The following NRG1 variants were observed in gnomAD, a reference collection of about 807,000 sequenced individuals.
The protein encoded by NRG1 is neuregulin 1.
In NRG1, 18 loss-of-function variants were observed where a neutral mutation model predicts 63.8. The ratio of observed to expected loss-of-function variants is 0.28; its 90% confidence interval spans 0.19 to 0.42. The LOEUF is 0.42. Ranked by LOEUF, NRG1 falls within the 10% of genes least tolerant of loss-of-function variation. The probability of loss-of-function intolerance (pLI) is 1.00; values close to 1 mark genes in which losing one functional copy is unlikely to be tolerated. For synonymous variants in NRG1, 302 were observed against 301.3 expected (o/e 1.00, Z -0.02); for missense variants, 762 against 814.7 (o/e 0.94, Z 0.79).
intron 1 of NRG1, among the ~76,000 whole-genome samples, chr8:31,985,981 T>A (rs1262284372): frequency 5.5e-4 from 84 of 152,232 alleles, no homozygotes; most frequent in African/African-American, 1.9e-3. Context: ...ATCAACTCTT[T>A]TAGCAAATTG....
chr8:32,745,675 G>T (rs200535486), intron 7 of NRG1, among the ~76,000 whole-genome samples: 18 of 151,296 alleles, frequency 1.2e-4, no homozygotes, highest in Non-Finnish European at 2.2e-4. Context: ...GTGTGTGGGG[G>T]GTGTGTGTGT....
intron 1 of NRG1, among the ~76,000 whole-genome samples, chr8:31,951,076 C>A (rs778589679): frequency 6.6e-6 from 1 of 152,132 alleles, no homozygotes; most frequent in Non-Finnish European, 1.5e-5. Context: ...GTTGGAAGGA[C>A]TGTGTGAGAA....
At chr8:31,881,365 G>A (rs574101672) in intron 1 of NRG1, among the ~76,000 whole-genome samples, 9 of 152,294 alleles carry the variant, frequency 5.9e-5, no homozygotes, top group African/African-American at 2.2e-4. Context: ...CATGTAGGTT[G>A]CAAACTTAGT....
chr8:32,030,313 T>C (rs964309851), intron 1 of NRG1: 1 of 152,142 alleles, frequency 6.6e-6, no homozygotes, highest in Admixed American at 6.6e-5. Context: ...ATGATGACAA[T>C]TTGGGTTTGG....
chr8:32,392,755 T>G (rs1035240140), intron 1 of NRG1, among the ~76,000 whole-genome samples: 2 of 152,188 alleles, frequency 1.3e-5, no homozygotes, highest in Non-Finnish European at 2.9e-5. Context: ...TCATGATGTG[T>G]TTGATGATTT....
At chr8:32,387,856 TGAG>T (rs1467486016) in intron 1 of NRG1, among the ~76,000 whole-genome samples, 2 of 152,170 alleles carry the variant, frequency 1.3e-5, no homozygotes, top group African/African-American at 4.8e-5. Context: ...AGTGGGAGAC[TGAG>T]TTTACCACCT....
At chr8:32,213,246 A>C (rs541293047) in intron 1 of NRG1, among the ~76,000 whole-genome samples, 1 of 152,352 alleles carries the variant, frequency 6.6e-6, no homozygotes, top group East Asian at 1.9e-4. Context: ...GATAAAGAAA[A>C]TGTGGTACAT....
At chr8:32,706,255 A>G (rs1265195555) in intron 5 of NRG1, among the ~76,000 whole-genome samples, 1 of 152,216 alleles carries the variant, frequency 6.6e-6, no homozygotes, top group Non-Finnish European at 1.5e-5. Flanking sequence ...AGGATTTTCA[A>G]ATGTTAATTA....
chr8:32,250,280 A>G (rs1434694846), intron 1 of NRG1, among the ~76,000 whole-genome samples: 1 of 152,078 alleles, frequency 6.6e-6, no homozygotes, highest in Non-Finnish European at 1.5e-5. Context: ...ATGGAACATC[A>G]TCCCAAGGAA....
intron 1 of NRG1, among the ~76,000 whole-genome samples, chr8:32,111,347 C>T (rs1563799495): frequency 6.6e-6 from 1 of 152,126 alleles, no homozygotes; most frequent in Non-Finnish European, 1.5e-5. Flanking sequence ...AAACTCCTGA[C>T]CTCAAGTGAT....
chr8:31,961,526 C>G (rs937283648), intron 1 of NRG1, among the ~76,000 whole-genome samples: 1 of 152,120 alleles, frequency 6.6e-6, no homozygotes, highest in African/African-American at 2.4e-5. Context: ...AGTAGTATCT[C>G]ATTTATGTAC....
At chr8:31,803,874 A>G (rs1040967022) in intron 1 of NRG1, among the ~76,000 whole-genome samples, 3 of 152,116 alleles carry the variant, frequency 2.0e-5, no homozygotes, top group Admixed American at 2.0e-4. Context: ...CCCAAAATTG[A>G]AGACACATTT....
chr8:32,425,128 A>G (rs1164644148), intron 1 of NRG1, among the ~76,000 whole-genome samples: 1 of 152,222 alleles, frequency 6.6e-6, no homozygotes, highest in Non-Finnish European at 1.5e-5. Context: ...AGCACCACTG[A>G]ATATGAAGGA....
intron 1 of NRG1, among the ~76,000 whole-genome samples, chr8:32,285,718 T>C (rs1186763353): frequency 6.6e-6 from 1 of 152,194 alleles, no homozygotes; most frequent in East Asian, 1.9e-4. Context: ...TATGCCTCAC[T>C]CTAGGTGATG....
chr8:31,848,720 G>A (rs1826925362), intron 1 of NRG1, among the ~76,000 whole-genome samples: 2 of 152,138 alleles, frequency 1.3e-5, no homozygotes, highest in Non-Finnish European at 2.9e-5. Context: ...AGGGATCTAG[G>A]TTGCACATTC....
chr8:31,827,556 AG>A (rs1824693000), intron 1 of NRG1, among the ~76,000 whole-genome samples: 1 of 152,208 alleles, frequency 6.6e-6, no homozygotes, highest in African/African-American at 2.4e-5. Flanking sequence ...TGAAAGGCTG[AG>A]TTTCTGTAGC....
At chr8:31,875,014 T>C (rs1829794631) in intron 1 of NRG1, among the ~76,000 whole-genome samples, 1 of 152,166 alleles carries the variant, frequency 6.6e-6, no homozygotes, top group Non-Finnish European at 1.5e-5. Context: ...AGAGTTCTAG[T>C]TGTCATTTTC....
At chr8:31,986,576 A>G (rs1237746813) in intron 1 of NRG1, among the ~76,000 whole-genome samples, 1 of 152,096 alleles carries the variant, frequency 6.6e-6, no homozygotes, top group Non-Finnish European at 1.5e-5. Flanking sequence ...TCTTAGTTTC[A>G]GGGGTTGAAG....
At chr8:31,868,090 A>C (rs1829121052) in intron 1 of NRG1, among the ~76,000 whole-genome samples, 1 of 150,604 alleles carries the variant, frequency 6.6e-6, no homozygotes, top group Non-Finnish European at 1.5e-5. Context: ...ACAGCTTTTT[A>C]TGATCCTGAG....
Sources: gnomAD v4.1 joint callset for allele counts (sites outside exome capture counted in the v4.1 genomes callset) on GRCh38, gnomAD v4.1.1 for gene constraint, MANE v1.5 for transcripts, NCBI Gene and HGNC (gene_info 2026-07-23, HGNC 2026-07-21) for gene names.